The following TMEM51 variants were observed in gnomAD, a reference collection of about 807,000 sequenced individuals.
The protein encoded by TMEM51 is chromosome 1 open reading frame 72.
Under a neutral mutation model 13.6 loss-of-function variants are expected in TMEM51, and 8 were observed. That is an observed-to-expected ratio of 0.59 (90% confidence interval 0.35 to 1.07). The LOEUF is 1.07. TMEM51 is among the 50% of genes least tolerant of loss of function. TMEM51 has a pLI of 0.02. For missense variants in TMEM51, 279 were observed against 330.7 expected (o/e 0.84, Z 1.21); for synonymous variants, 147 against 144.4 (o/e 1.02, Z -0.13).
intron 1 of TMEM51, among the ~76,000 whole-genome samples, chr1:15,203,072 G>GA (rs535233439): frequency 5.6e-4 from 86 of 152,290 alleles, no homozygotes; most frequent in Non-Finnish European, 9.6e-4. Flanking sequence ...TTCACTCATG[G>GA]ATTCTTCAGC....
chr1:15,161,335 C>T lies in TMEM51; in HGVS notation c.-267+7381C>T, dbSNP rs569552939. Among the ~76,000 whole-genome samples the T allele has an allele frequency of 6.6e-6, 1 of 150,950 alleles. No individual in the cohort carries two copies. Among genetic ancestry groups the T allele is most frequent in the East Asian group, 2.0e-4 (1 of 5,022 alleles). Reference sequence around the variant, plus strand: ...TAGCCTGGCCAACATGGTGAAACCCCATCTCTACTAAAAATAGAAAAATTA... The same window carrying T: ...TAGCCTGGCCAACATGGTGAAACCCTATCTCTACTAAAAATAGAAAAATTA... On this transcript the variant is annotated intron_variant, in intron 1 of 3. Coordinates refer to ENST00000376008, the MANE Select transcript of TMEM51 (RefSeq NM_001136218.2). The surrounding 1 kb of genome is among the most constrained non-coding windows in gnomAD (Gnocchi z 4.0).
At chr1:15,165,311 AAAG>A (rs1372470396) in intron 1 of TMEM51, among the ~76,000 whole-genome samples, 3 of 152,140 alleles carry the variant, frequency 2.0e-5, no homozygotes, top group Non-Finnish European at 2.9e-5. Context: ...GTCTCAAAAA[AAAG>A]AAGAAGAAAT....
intron 1 of TMEM51, among the ~76,000 whole-genome samples, chr1:15,180,635 T>G (rs1467371633): frequency 6.6e-6 from 1 of 152,168 alleles, no homozygotes; most frequent in Non-Finnish European, 1.5e-5. Context: ...CACTTCTCCA[T>G]GATTGCCTAT....
At position 15,209,319 on chromosome 1, in the gene TMEM51, A is replaced by T. The variant is rs556087475; in HGVS notation, c.-266-1171A>T. Among the ~76,000 whole-genome samples the T allele has an allele frequency of 1.1e-4, 16 of 150,870 alleles. No homozygotes were observed. In the South Asian group the frequency reaches 3.4e-3, roughly 32 times the overall value. On this transcript the variant is annotated intron_variant, in intron 1 of 3. Transcript: ENST00000376008. Reference sequence around the variant, plus strand: ...ACTATAGTGCCCAGGCTAGTCTCGAACTCCTGAGCTCAAGCGATCCTCCCA... The same window carrying T: ...ACTATAGTGCCCAGGCTAGTCTCGATCTCCTGAGCTCAAGCGATCCTCCCA...
chr1:15,175,314 A>G (rs909137660), intron 1 of TMEM51, among the ~76,000 whole-genome samples: 5 of 152,170 alleles, frequency 3.3e-5, no homozygotes, highest in Non-Finnish European at 7.3e-5. Context: ...GAAGGAGAAT[A>G]GCTTGAACCT....
chr1:15,181,092 C>T (rs753855068), intron 1 of TMEM51, among the ~76,000 whole-genome samples: 3 of 152,218 alleles, frequency 2.0e-5, no homozygotes, highest in Non-Finnish European at 2.9e-5. Context: ...CATCCCTCTT[C>T]TACCAGCTGT....
intron 1 of TMEM51, among the ~76,000 whole-genome samples, chr1:15,199,362 G>A (rs1438422209): frequency 6.6e-6 from 1 of 152,066 alleles, no homozygotes; most frequent in African/African-American, 2.4e-5. Flanking sequence ...TCAAACTCCT[G>A]ACTTTTAGCT....
intron 1 of TMEM51, among the ~76,000 whole-genome samples, chr1:15,172,239 T>C (rs1643302610): frequency 6.6e-6 from 1 of 151,632 alleles, no homozygotes; most frequent in Admixed American, 6.6e-5. Flanking sequence ...CCAAAATTAG[T>C]GGAGCATGGT....
intron 1 of TMEM51, among the ~76,000 whole-genome samples, chr1:15,167,539 T>C (rs973569463): frequency 2.0e-5 from 3 of 152,102 alleles, no homozygotes; most frequent in Non-Finnish European, 4.4e-5. Flanking sequence ...TCATTTCTCT[T>C]GGGGAAATAC....
rs764846609 is a variant in TMEM51 at position 15,219,432 on chromosome 1, A to G, written c.451A>G (p.Asn151Asp). ...NYSEARGEEQNPRLSISLPSY... is the reference protein window; with the variant it reads ...NYSEARGEEQDPRLSISLPSY... The stretch of plus-strand genomic sequence containing the variant: ...CTCAGAAGCAAGGGGAGAGGAGCAG[A>G]ACCCGAGGTTGAGCATCTCTCTCCC... Residue 151 changes from asparagine (N) to aspartate (D), a missense_variant, in exon 4 of 4, where the codon AAC becomes GAC. Physicochemically the swap from Asn to Asp is conservative, Grantham distance 23. Coordinates refer to ENST00000376008, the MANE Select transcript of TMEM51 (RefSeq NM_001136218.2). 26 of 1,613,934 alleles carry G rather than the reference A, an allele frequency of 1.6e-5. No homozygotes were observed. Among genetic ancestry groups the G allele is most frequent in the Non-Finnish European group, 1.9e-5 (23 of 1,179,942 alleles).
chr1:15,153,033 C>T (rs2100796216), upstream of TMEM51, among the ~76,000 whole-genome samples: 2 of 152,364 alleles, frequency 1.3e-5, no homozygotes, highest in South Asian at 4.1e-4. Flanking sequence ...ATGGGCCCCA[C>T]CTGGGCCGGG....
chr1:15,178,011 G>T (rs1447963217), intron 1 of TMEM51, among the ~76,000 whole-genome samples: 1 of 152,208 alleles, frequency 6.6e-6, no homozygotes, highest in Non-Finnish European at 1.5e-5. Flanking sequence ...CGTTCACCCA[G>T]CCAGGAAGGA....
chr1:15,212,447 G>A (rs1299347961), intron 2 of TMEM51, among the ~76,000 whole-genome samples: 11 of 151,776 alleles, frequency 7.2e-5, no homozygotes, highest in South Asian at 2.1e-4. Context: ...GGGTTAAAGC[G>A]GCTCAAATCA....
intron 1 of TMEM51, among the ~76,000 whole-genome samples, chr1:15,178,732 T>G (rs1643523997): frequency 6.6e-6 from 1 of 152,198 alleles, no homozygotes; most frequent in African/African-American, 2.4e-5. Context: ...ACCTGGATTT[T>G]TATCTCCACT....
chr1:15,187,102 T>C (rs907052559), intron 1 of TMEM51, among the ~76,000 whole-genome samples: 3 of 152,086 alleles, frequency 2.0e-5, no homozygotes, highest in Non-Finnish European at 4.4e-5. Flanking sequence ...GGCTGAGCTG[T>C]TTGACCAGAG....
rs552087753 is a variant in TMEM51, at chr1:15,163,839, G to C, written c.-267+9885G>C. Among the ~76,000 whole-genome samples, 1,055 of 136,688 alleles carry C rather than the reference G, an allele frequency of 7.7e-3. 13 individuals carry two copies. The highest frequency in any genetic ancestry group is 0.017 in the Admixed American group (232 of 13,960). 89.7% of individuals were successfully genotyped at this position (136,688 alleles called of 152,430 possible). A position where few individuals can be genotyped will look rare whatever the true frequency, so the allele number is the denominator to read the frequency against. On this transcript the variant is annotated intron_variant, in intron 1 of 3. Coordinates refer to ENST00000376008, the MANE Select transcript of TMEM51 (RefSeq NM_001136218.2). ...TGTTGGCTTTTTTTGGGGGGGGGGA[G>C]GGGGGAGGGGACAAAGTCTCACTCT...
chr1:15,158,763 T>A (rs1048461605), intron 1 of TMEM51, among the ~76,000 whole-genome samples: 3 of 152,182 alleles, frequency 2.0e-5, no homozygotes, highest in Non-Finnish European at 4.4e-5. Flanking sequence ...GTACTGGAAG[T>A]ACTCGTATCT....
intron 1 of TMEM51, among the ~76,000 whole-genome samples, chr1:15,188,677 A>G (rs968424360): frequency 7.9e-5 from 12 of 152,202 alleles, no homozygotes; most frequent in Non-Finnish European, 2.9e-5. Context: ...CCTGTTTGGG[A>G]CATTCCTATT....
In TMEM51 at chr1:15,170,358, C is replaced by CTT. The variant is rs34604282; in HGVS notation, c.-267+16416_-267+16417dup. Among the ~76,000 whole-genome samples, 258 of 145,146 alleles carry CTT rather than the reference C, an allele frequency of 1.8e-3. 4 individuals carry two copies. The South Asian group carries it at 0.02, about 11-fold the overall frequency. ...GGGATACTGCTGGGTTTTTTTTTAT[C>CTT]TTTTTTTTTTTTTGAGATGGAGTCA... On this transcript the variant is annotated intron_variant, in intron 1 of 3. Transcript: ENST00000376008.
Sources: gnomAD v4.1 joint callset for allele counts (sites outside exome capture counted in the v4.1 genomes callset) on GRCh38, gnomAD v4.1.1 for gene constraint, Gnocchi (gnomAD v3.1) non-coding constraint, MANE v1.5 for transcripts, NCBI Gene and HGNC (gene_info 2026-07-23, HGNC 2026-07-21) for gene names.